Variants in FGFR3 observed in about 807,000 individuals in gnomAD.
FGFR3 encodes the protein FGFR-3.
FGFR3 carries 25 observed loss-of-function variants against 82.9 expected under a neutral mutation model. The observed-to-expected ratio is 0.30, with a 90% CI of 0.22 to 0.42. The LOEUF (loss-of-function observed/expected upper bound fraction) is 0.42. Among genes scored for constraint, FGFR3 ranks in the 10% least tolerant of loss-of-function variants. The pLI is 1.00. For missense variants in FGFR3, 1,026 were observed against 1,161.0 expected, an observed-to-expected ratio of 0.88 and a Z score of 1.69; for synonymous variants, 620 against 516.0, an observed-to-expected ratio of 1.20 and a Z score of -2.73.
rs936516127 is a variant in FGFR3 at position 1,808,489 on chromosome 4, G to C, written c.*1227G>C. On this transcript the variant is annotated 3_prime_UTR_variant, in exon 18 of 18. Coordinates refer to ENST00000440486, the MANE Select transcript of FGFR3 (RefSeq NM_000142.5). ...GGCAGGGAGACGGTTTCCAGGGAGGGGCCGGCCCTGTGTGCAGGTTCCGAT... is the reference window on the plus strand; with the variant it reads ...GGCAGGGAGACGGTTTCCAGGGAGGCGCCGGCCCTGTGTGCAGGTTCCGAT... 8.6e-6 allele frequency: 2 copies of C among 232,202 alleles called. No homozygotes were observed. Among genetic ancestry groups the C allele is most frequent in the African/African-American group, 4.4e-5 (2 of 45,332 alleles). 14.4% of individuals were successfully genotyped at this position (232,202 alleles called of 1,614,324 possible).
chr4:1,801,646 C>T lies in FGFR3; in HGVS notation c.642C>T (p.Val214=). 6.2e-7 allele frequency: 1 copy of T among 1,611,196 alleles called. No individual in the cohort carries two copies. Among genetic ancestry groups the T allele is most frequent in the Non-Finnish European group, 8.5e-7 (1 of 1,179,306 alleles). The change falls in exon 6 of 18, where the codon GTC becomes GTT. Residue 214 remains valine, a synonymous_variant. Transcript: ENST00000440486. ...TGCGGCATCAGCAGTGGAGCCTGGT[C>T]ATGGAAAGCGTGGTGCCCTCGGACC... ...IKLRHQQWSL[V]MESVVPSDRG... is the part of the protein sequence containing the mutation.
At chr4:1,804,739 C>T (rs977014027) in intron 9 of FGFR3, 85 bp from the exon 10 acceptor site, 21 of 1,516,736 alleles carry the variant, frequency 1.4e-5, no homozygotes, top group Non-Finnish European at 1.7e-5. Context: ...GAACGCCCCC[C>T]CTTCTGGCCC....
chr4:1,800,029 C>A (rs562678827), intron 4 of FGFR3, among the ~76,000 whole-genome samples: 1 of 152,230 alleles, frequency 6.6e-6, no homozygotes, highest in Non-Finnish European at 1.5e-5. Context: ...AAGGGGACAC[C>A]GTGTTGCTGA....
chr4:1,803,778 C>T lies in FGFR3; in HGVS notation c.1017C>T (p.Cys339=), dbSNP rs2108793600. The T allele has an allele frequency of 6.2e-7, 1 of 1,614,096 alleles. No homozygotes were observed. Among genetic ancestry groups the T allele is most frequent in the Non-Finnish European group, 8.5e-7 (1 of 1,180,038 alleles). The change falls in exon 8 of 18, where the codon TGC becomes TGT. Residue 339 remains cysteine, a synonymous_variant. Coordinates refer to ENST00000440486, the MANE Select transcript of FGFR3 (RefSeq NM_000142.5). ...VTFEDAGEYT[C]LAGNSIGFSH... is the part of the protein sequence containing the mutation. ...TTGAGGACGCCGGGGAGTACACCTG[C>T]CTGGCGGGCAATTCTATTGGGTTTT...
intron 4 of FGFR3, among the ~76,000 whole-genome samples, chr4:1,800,913 T>C (rs1364540378): frequency 6.6e-6 from 1 of 152,188 alleles, no homozygotes; most frequent in Non-Finnish European, 1.5e-5. Context: ...GTGTAGGGTC[T>C]TGATTTCCGT....
In FGFR3 at chr4:1,807,510, C is replaced by T. The variant is rs1172002676; in HGVS notation, c.*248C>T. On this transcript the variant is annotated 3_prime_UTR_variant, in exon 18 of 18. Transcript: ENST00000440486. Reference sequence around the variant, plus strand: ...CCGCTGCTGTGCAACGGTCTCCTGACTGGTGCTGCAGCACCGAGGGGCCTT... The same window carrying T: ...CCGCTGCTGTGCAACGGTCTCCTGATTGGTGCTGCAGCACCGAGGGGCCTT... 3 of 720,992 alleles carry T rather than the reference C, an allele frequency of 4.2e-6. No individual in the cohort carries two copies. The highest frequency in any genetic ancestry group is 2.9e-5 in the South Asian group (2 of 68,248). The allele number at this position is 720,992 out of a possible 1,614,324, so 44.7% of individuals were successfully genotyped here.
At chr4:1,805,205 C>T in intron 10 of FGFR3, 150 bp from the exon 11 acceptor site, 2 of 1,450,386 alleles carry the variant, frequency 1.4e-6, no homozygotes, top group Non-Finnish European at 9.3e-7. Context: ...CACTCTTCGT[C>T]CTTACGAGCA....
Position 1,807,472 on chromosome 4 carries a change from A to G in FGFR3, c.*210A>G. On this transcript the variant is annotated 3_prime_UTR_variant, in exon 18 of 18. Transcript: ENST00000440486. ...GCATCTTGCCTCCAGGTGCAGAGGTACCCTGGGTGTCCCCGCTGCTGTGCA... is the reference window on the plus strand; with the variant it reads ...GCATCTTGCCTCCAGGTGCAGAGGTGCCCTGGGTGTCCCCGCTGCTGTGCA... 1 of 777,318 alleles carries G rather than the reference A, an allele frequency of 1.3e-6. No individual in the cohort carries two copies. The highest frequency in any genetic ancestry group is 1.5e-5 in the South Asian group (1 of 68,426). The allele number at this position is 777,318 out of a possible 1,614,324, so 48.2% of individuals were successfully genotyped here.
At chr4:1,798,476 C>T (rs189382229) in intron 2 of FGFR3, among the ~76,000 whole-genome samples, 148 of 152,004 alleles carry the variant, frequency 9.7e-4, no homozygotes, top group Admixed American at 1.6e-3. Flanking sequence ...TCATGACCGC[C>T]GTGTGGAGCT....
intron 2 of FGFR3, among the ~76,000 whole-genome samples, chr4:1,797,504 C>T (rs1289100838): frequency 6.6e-6 from 1 of 152,210 alleles, no homozygotes; most frequent in East Asian, 1.9e-4. Flanking sequence ...CAGGCTGAAG[C>T]AAATACTTGT....
At chr4:1,805,316 G>A (rs1488967212) in intron 10 of FGFR3, 39 bp from the exon 11 acceptor site, 9 of 1,606,794 alleles carry the variant, frequency 5.6e-6, no homozygotes, top group Admixed American at 1.7e-5. Context: ...GAGAGTGGGC[G>A]AGTTTGCACA....
chr4:1,805,315 C>G, intron 10 of FGFR3, 40 bp from the exon 11 acceptor site: 1 of 1,606,286 alleles, frequency 6.2e-7, no homozygotes, highest in Non-Finnish European at 8.5e-7. Flanking sequence ...TGAGAGTGGG[C>G]GAGTTTGCAC....
intron 7 of FGFR3, 49 bp from the exon 8 acceptor site, chr4:1,803,643 C>T (rs1396782414): frequency 6.2e-7 from 1 of 1,600,654 alleles, no homozygotes; most frequent in African/African-American, 1.3e-5. Context: ...TGTGCGGTGC[C>T]CGCAGGGCGG....
chr4:1,799,299 G>C lies in FGFR3; in HGVS notation c.155G>C (p.Gly52Ala). ...GGCCAGCAGGAGCAGTTGGTCTTCG[G>C]CAGCGGGGATGCTGTGGAGCTGAGC... The part of the protein sequence containing the change: ...EPGQQEQLVF[G>A]SGDAVELSCP... The change falls in exon 3 of 18, where the codon GGC becomes GCC. Residue 52 changes from glycine to alanine, a missense_variant. By Grantham distance (60) the Gly-to-Ala change is moderately conservative. Coordinates refer to ENST00000440486, the MANE Select transcript of FGFR3 (RefSeq NM_000142.5). The C allele has an allele frequency of 6.2e-7, 1 of 1,612,740 alleles. No homozygotes were observed. Among genetic ancestry groups the C allele is most frequent in the Non-Finnish European group, 8.5e-7 (1 of 1,179,972 alleles).
At chr4:1,802,166 G>A (rs1454171260) in intron 7 of FGFR3, 141 bp downstream of exon 7, 5 of 930,310 alleles carry the variant, frequency 5.4e-6, no homozygotes, top group Non-Finnish European at 6.6e-6. Flanking sequence ...TGCTTGTGGG[G>A]CCAAGTCTCA....
At chr4:1,799,614 C>T (rs887942347) in intron 3 of FGFR3, 91 bp downstream of exon 3, 13 of 1,550,286 alleles carry the variant, frequency 8.4e-6, no homozygotes, top group African/African-American at 6.8e-5. Flanking sequence ...GGGGGTCTCT[C>T]TGGTCATTGG....
chr4:1,802,760 G>A (rs1347282171), intron 7 of FGFR3, among the ~76,000 whole-genome samples: 1 of 152,192 alleles, frequency 6.6e-6, no homozygotes, highest in Non-Finnish European at 1.5e-5. Flanking sequence ...TGAAACCACA[G>A]CCACCGTGAA....
rs752796817 is a variant in FGFR3 at position 1,807,968 on chromosome 4, G to A, written c.*706G>A. 7.5e-5 allele frequency: 19 copies of A among 253,360 alleles called. No individual in the cohort carries two copies. Among genetic ancestry groups the A allele is most frequent in the Non-Finnish European group, 1.5e-4 (19 of 130,362 alleles). 15.7% of individuals were successfully genotyped at this position (253,360 alleles called of 1,614,324 possible). A position where few individuals can be genotyped will look rare whatever the true frequency, so the allele number is the denominator to read the frequency against. On this transcript the variant is annotated 3_prime_UTR_variant, in exon 18 of 18. Transcript: ENST00000440486. Reference sequence around the variant, plus strand: ...ACAACGGAGGCCTGCGACCCTGGGGGCACAGGAGGCAGGCATGGCCCTGGG... The same window carrying A: ...ACAACGGAGGCCTGCGACCCTGGGGACACAGGAGGCAGGCATGGCCCTGGG...
rs868538559 is a variant in FGFR3 at position 1,807,210 on chromosome 4, C to T, written c.2369C>T (p.Ala790Val). 2 of 1,608,318 alleles carry T rather than the reference C, an allele frequency of 1.2e-6. No individual in the cohort carries two copies. The highest frequency in any genetic ancestry group is 8.5e-7 in the Non-Finnish European group (1 of 1,178,204). Residue 790 changes from alanine (A) to valine (V), a missense_variant, in exon 18 of 18, where the codon GCC becomes GTC. By Grantham distance (64) the Ala-to-Val change is moderately conservative. This residue lies in a region of FGFR3 where 155 missense variants were observed against 150.2 expected (regional missense o/e 1.03). Coordinates refer to ENST00000440486, the MANE Select transcript of FGFR3 (RefSeq NM_000142.5). ...TCCTCAGGGGACGACTCCGTGTTTG[C>T]CCACGACCTGCTGCCCCCGGCCCCA... ...SSSSGDDSVF[A>V]HDLLPPAPPS...
Sources: allele counts gnomAD v4.1 joint callset (sites outside exome capture counted in the v4.1 genomes callset), GRCh38; gene constraint gnomAD v4.1.1; regional missense constraint gnomAD v4.1.1; transcripts MANE v1.5; gene names NCBI Gene and HGNC (gene_info 2026-07-23, HGNC 2026-07-21).